EML6: variants seen among roughly 807,000 people sequenced by gnomAD.
EML6 encodes echinoderm microtubule-associated protein-like 6.
EML6 carries 154 observed loss-of-function variants against 240.1 expected under a neutral mutation model. That is an observed-to-expected ratio of 0.64 (90% CI 0.56 to 0.73). EML6 has a LOEUF of 0.73. Among genes scored for constraint, EML6 ranks in the 30% least tolerant of loss-of-function variants. EML6 has a pLI of 0.00. For missense variants in EML6, 2,964 were observed against 2,474.6 expected (o/e 1.20, Z -4.20); for synonymous variants, 1,148 against 899.0 (o/e 1.28, Z -4.95).
chr2:54,884,977 C>G (rs1054588512), intron 17 of EML6, among the ~76,000 whole-genome samples: 10 of 151,870 alleles, frequency 6.6e-5, no homozygotes, highest in African/African-American at 2.4e-4. Flanking sequence ...AGTTGCAGAT[C>G]AGCCCGGCCC....
intron 17 of EML6, among the ~76,000 whole-genome samples, chr2:54,886,010 C>G (rs747049441): frequency 1.3e-5 from 2 of 152,054 alleles, no homozygotes; most frequent in Non-Finnish European, 2.9e-5. Context: ...GATCAAGAGA[C>G]ATTCTATTCT....
chr2:54,859,538 C>T lies in EML6; in HGVS notation c.1662C>T (p.Ala554=), dbSNP rs2103825950. 1.3e-6 allele frequency: 2 copies of T among 1,547,722 alleles called. No homozygotes were observed. Among genetic ancestry groups the T allele is most frequent in the Non-Finnish European group, 1.7e-6 (2 of 1,145,968 alleles). ...LFKFPCLKRG[A]KFRKYVGHSA... The stretch of plus-strand genomic sequence containing the variant: ...TCTCAAAAAATATTCTTTCAGGAGC[C>T]AAATTTAGAAAGTATGTGGGCCATT... Residue 554 remains alanine, a synonymous_variant, in exon 12 of 42, where the codon GCC becomes GCT. Coordinates refer to ENST00000356458, the MANE Select transcript of EML6 (RefSeq NM_001039753.4).
At chr2:54,886,160 C>CTTTTTTTTTTTTTTTTTTTTTTT in intron 17 of EML6, among the ~76,000 whole-genome samples, 1 of 82,216 alleles carries the variant, frequency 1.2e-5, no homozygotes, top group Non-Finnish European at 2.4e-5. Flanking sequence ...TTTTAACCTT[C>CTTTTTTTTTTTTTTTTTTTTTTT]TTTTTTTTTT....
intron 5 of EML6, among the ~76,000 whole-genome samples, chr2:54,823,954 A>G (rs1023064405): frequency 6.6e-6 from 1 of 151,242 alleles, no homozygotes; most frequent in Non-Finnish European, 1.5e-5. Flanking sequence ...AGAGTATGGA[A>G]CCCAGTAGGG....
At chr2:54,805,435 C>T (rs1379000135) in intron 2 of EML6, among the ~76,000 whole-genome samples, 2 of 152,172 alleles carry the variant, frequency 1.3e-5, no homozygotes, top group African/African-American at 4.8e-5. Context: ...ATATGCATTC[C>T]AGTTGCCCTG....
chr2:54,812,291 A>G (rs1007085618), intron 2 of EML6, among the ~76,000 whole-genome samples: 2 of 151,178 alleles, frequency 1.3e-5, no homozygotes, highest in African/African-American at 4.9e-5. Flanking sequence ...ATATCAGAAC[A>G]TATACTCTCA....
rs1352897635 is a variant in EML6, at chr2:54,725,197, G to A, written c.136G>A (p.Val46Ile). ...VVYFVAGVGV[V>I]YNTREHSQKF... ...CTACTTTGTGGCTGGGGTCGGGGTG[G>A]TTTACAACACCCGCGAGCACAGCCA... The change falls in exon 2 of 42, where the codon GTT becomes ATT. Residue 46 changes from valine to isoleucine, a missense_variant. By Grantham distance (29) the Val-to-Ile change is conservative. Transcript: ENST00000356458. The surrounding 1 kb of genome is among the most constrained non-coding windows in gnomAD (Gnocchi z 4.3). 4 of 1,521,854 alleles carry A rather than the reference G, an allele frequency of 2.6e-6. No individual in the cohort carries two copies. Among genetic ancestry groups the A allele is most frequent in the Middle Eastern group, 1.7e-4 (1 of 5,900 alleles). The allele number at this position is 1,521,854 out of a possible 1,614,324, so 94.3% of individuals were successfully genotyped here.
intron 2 of EML6, among the ~76,000 whole-genome samples, chr2:54,771,775 A>G (rs1668411675): frequency 6.6e-6 from 1 of 152,250 alleles, no homozygotes; most frequent in Admixed American, 6.5e-5. Context: ...AAATGATTAT[A>G]CACTGGGCAG....
Position 54,952,575 on chromosome 2 carries a change from C to T in EML6, c.4214-19C>T, listed in dbSNP as rs746165038. ...CTTTAGGTTCCACTGTTCACCCTCC[C>T]ATGATCTCTCTCCCCCAGGGAGCCA... On this transcript the variant is annotated intron_variant, in intron 30 of 41. Transcript: ENST00000356458. 5.9e-6 allele frequency: 9 copies of T among 1,525,434 alleles called. No individual in the cohort carries two copies. In the African/African-American group the frequency reaches 8.3e-5, roughly 14 times the overall value. The allele number at this position is 1,525,434 out of a possible 1,614,324, so 94.5% of individuals were successfully genotyped here.
chr2:54,920,117 C>G (rs1573143928), intron 26 of EML6, among the ~76,000 whole-genome samples: 2 of 151,702 alleles, frequency 1.3e-5, no homozygotes, highest in African/African-American at 4.8e-5. Flanking sequence ...CTTCAGAAAA[C>G]TAGGAAAAGA....
At chr2:54,765,368 A>G (rs1362841042) in intron 2 of EML6, among the ~76,000 whole-genome samples, 2 of 152,130 alleles carry the variant, frequency 1.3e-5, no homozygotes, top group African/African-American at 4.8e-5. Context: ...TTTAGCATTT[A>G]ATTATATATC....
intron 2 of EML6, among the ~76,000 whole-genome samples, chr2:54,748,093 A>G (rs529664177): frequency 6.6e-6 from 1 of 152,302 alleles, no homozygotes; most frequent in Admixed American, 6.5e-5. Flanking sequence ...AATGGGTAAA[A>G]TTGTTTATTA....
At chr2:54,924,616 C>G (rs1674445084) in intron 26 of EML6, among the ~76,000 whole-genome samples, 1 of 152,190 alleles carries the variant, frequency 6.6e-6, no homozygotes, top group African/African-American at 2.4e-5. Flanking sequence ...GGCTGCAGTG[C>G]AATGGCGTGA....
intron 17 of EML6, chr2:54,880,430 A>G (rs1336572239): frequency 6.6e-6 from 1 of 152,188 alleles, no homozygotes; most frequent in African/African-American, 2.4e-5. Flanking sequence ...TTGAACCCCA[A>G]TATTCACTTT....
intron 2 of EML6, among the ~76,000 whole-genome samples, chr2:54,738,252 T>C (rs1199263796): frequency 6.6e-6 from 1 of 152,182 alleles, no homozygotes; most frequent in African/African-American, 2.4e-5. Context: ...AAGAAGTGTT[T>C]GTTGAATGAA....
At chr2:54,959,307 T>G (rs1479114610) in intron 34 of EML6, 46 bp downstream of exon 34, 3 of 1,473,318 alleles carry the variant, frequency 2.0e-6, no homozygotes, top group Non-Finnish European at 2.7e-6. Context: ...TGTTGTTATC[T>G]TGGGAGAAAC....
At chr2:54,795,866 G>A (rs908296295) in intron 2 of EML6, among the ~76,000 whole-genome samples, 2 of 152,134 alleles carry the variant, frequency 1.3e-5, no homozygotes, top group African/African-American at 2.4e-5. Flanking sequence ...AAGAATTTAA[G>A]AACAGTGGTA....
chr2:54,928,274 A>G, intron 26 of EML6, 39 bp from the exon 27 acceptor site: 1 of 1,464,324 alleles, frequency 6.8e-7, no homozygotes, highest in Non-Finnish European at 9.4e-7. Flanking sequence ...AGAAAGGAAT[A>G]ACAGTGGCTG....
chr2:54,966,652 C>T (rs1163449947), intron 38 of EML6: 1 of 166,150 alleles, frequency 6.0e-6, no homozygotes, highest in African/African-American at 2.4e-5. Flanking sequence ...TGCTGGGCCC[C>T]ACCCTTTCGG....
Sources: gnomAD v4.1 joint callset for allele counts (sites outside exome capture counted in the v4.1 genomes callset) on GRCh38, gnomAD v4.1.1 for gene constraint, Gnocchi (gnomAD v3.1) non-coding constraint, MANE v1.5 for transcripts, NCBI Gene and HGNC (gene_info 2026-07-23, HGNC 2026-07-21) for gene names.